The following ZC3H12B variants were observed in gnomAD, a reference collection of about 807,000 sequenced individuals.
The protein encoded by ZC3H12B is probable ribonuclease ZC3H12B.
In ZC3H12B, 7 loss-of-function variants were observed where a neutral mutation model predicts 43.9. The ratio of observed to expected loss-of-function variants is 0.16; its 90% confidence interval spans 0.09 to 0.30. ZC3H12B has a LOEUF of 0.30. Among genes scored for constraint, ZC3H12B ranks in the 10% least tolerant of loss-of-function variants. The probability of loss-of-function intolerance (pLI) is 1.00; values close to 1 mark genes in which losing one functional copy is unlikely to be tolerated. For synonymous variants in ZC3H12B, 222 were observed against 241.7 expected, an observed-to-expected ratio of 0.92 and a Z score of 0.76; for missense variants, 475 against 670.2, an observed-to-expected ratio of 0.71 and a Z score of 3.22.
At chrX:65,057,578 G>A in the ZC3H12B span, among the ~76,000 whole-genome samples, 6 of 110,965 alleles carry the variant, frequency 5.4e-5, no homozygotes, top group Non-Finnish European at 7.6e-5. Flanking sequence ...TGCTCTTCTC[G>A]AGGAGTATCT....
At chrX:65,213,951 A>T in the ZC3H12B span, among the ~76,000 whole-genome samples, 3 of 110,466 alleles carry the variant, frequency 2.7e-5, no homozygotes, top group Non-Finnish European at 5.7e-5. Context: ...ACACATATAT[A>T]ACAAGTCACA....
At chrX:65,185,876 T>G in the ZC3H12B span, 7 of 111,724 alleles carry the variant, frequency 6.3e-5, no homozygotes, top group Non-Finnish European at 1.3e-4. Flanking sequence ...TATTTACTGA[T>G]GTGTGAATGG....
chrX:65,244,727 C>CAAAAAAAAAAAAAAAAAAAAAA, the ZC3H12B span, among the ~76,000 whole-genome samples: 1 of 20,370 alleles, frequency 4.9e-5, no homozygotes. Flanking sequence ...AATACCTTGC[C>CAAAAAAAAAAAAAAAAAAAAAA]AAAAAAAAAA....
the ZC3H12B span, among the ~76,000 whole-genome samples, chrX:65,143,445 G>C: frequency 9.0e-6 from 1 of 111,103 alleles, no homozygotes. Context: ...CCTCTATTGA[G>C]ATGATCAAGT....
the ZC3H12B span, among the ~76,000 whole-genome samples, chrX:65,159,840 C>G: frequency 2.7e-5 from 3 of 111,688 alleles, no homozygotes; most frequent in South Asian, 7.5e-4. Flanking sequence ...TGTCTTGTGC[C>G]AGTTTTCAAA....
At chrX:65,077,145 T>C in the ZC3H12B span, among the ~76,000 whole-genome samples, 1 of 111,723 alleles carries the variant, frequency 9.0e-6, no homozygotes, top group African/African-American at 3.3e-5. Flanking sequence ...GCCATTCTGA[T>C]GTGTTTTGTC....
chrX:65,145,388 C>T, the ZC3H12B span, among the ~76,000 whole-genome samples: 1 of 111,064 alleles, frequency 9.0e-6, no homozygotes, highest in Non-Finnish European at 1.9e-5. Flanking sequence ...CTCTTGAAGG[C>T]AGCATATAAT....
At chrX:65,437,809 A>G (rs987601363) in intron 3 of ZC3H12B, among the ~76,000 whole-genome samples, 11 of 112,311 alleles carry the variant, frequency 9.8e-5, no homozygotes, top group Non-Finnish European at 2.1e-4. Flanking sequence ...GTATTACTCA[A>G]GAAATCTTTG....
the ZC3H12B span, among the ~76,000 whole-genome samples, chrX:65,059,806 A>G: frequency 1.8e-4 from 20 of 111,853 alleles, no homozygotes; most frequent in East Asian, 5.3e-3. Flanking sequence ...TATGTAGACT[A>G]CTGTTAGTAT....
At chrX:65,294,652 G>A in the ZC3H12B span, among the ~76,000 whole-genome samples, 3 of 111,564 alleles carry the variant, frequency 2.7e-5, no homozygotes, top group South Asian at 1.1e-3. Context: ...AAAGGGGTGG[G>A]AAAAGATATT....
chrX:65,241,839 A>C, the ZC3H12B span, among the ~76,000 whole-genome samples: 1 of 111,715 alleles, frequency 9.0e-6, no homozygotes, highest in Non-Finnish European at 1.9e-5. Flanking sequence ...CCCTGGATTC[A>C]GCCCTTTTTT....
At chrX:65,163,717 G>C in the ZC3H12B span, among the ~76,000 whole-genome samples, 1 of 111,819 alleles carries the variant, frequency 8.9e-6, no homozygotes, top group African/African-American at 3.2e-5. Context: ...AACCCCTTGT[G>C]CTTCCCGAGT....
At chrX:65,333,212 C>T in the ZC3H12B span, among the ~76,000 whole-genome samples, 1 of 111,415 alleles carries the variant, frequency 9.0e-6, no homozygotes, top group African/African-American at 3.3e-5. Context: ...TACCAAGGGG[C>T]TTTTATTGGC....
the ZC3H12B span, among the ~76,000 whole-genome samples, chrX:65,112,144 G>A: frequency 1.8e-5 from 2 of 112,008 alleles, no homozygotes; most frequent in Admixed American, 9.5e-5. Context: ...AACTTCTAAT[G>A]GCCTGGATAG....
chrX:65,200,287 A>G, the ZC3H12B span, among the ~76,000 whole-genome samples: 1 of 110,806 alleles, frequency 9.0e-6, no homozygotes, highest in Admixed American at 9.6e-5. Flanking sequence ...CTTTGCCCAC[A>G]TCTCAATGGG....
the ZC3H12B span, among the ~76,000 whole-genome samples, chrX:65,053,673 G>A: frequency 1.8e-5 from 2 of 111,390 alleles, no homozygotes; most frequent in Non-Finnish European, 3.8e-5. Context: ...GATCCCTGAG[G>A]AATCGCCACA....
At chrX:65,286,009 C>A in the ZC3H12B span, among the ~76,000 whole-genome samples, 4 of 111,723 alleles carry the variant, frequency 3.6e-5, no homozygotes, top group Admixed American at 3.8e-4. Flanking sequence ...TTTGGAGATT[C>A]CTCAAAGAAC....
intron 2 of ZC3H12B, among the ~76,000 whole-genome samples, chrX:65,376,550 C>A (rs1001322835): frequency 4.5e-5 from 5 of 111,644 alleles, no homozygotes; most frequent in African/African-American, 9.8e-5. Flanking sequence ...TCACACGACA[C>A]CTAGCTCCAA....
the ZC3H12B span, among the ~76,000 whole-genome samples, chrX:65,337,491 A>G: frequency 2.7e-5 from 3 of 112,572 alleles, no homozygotes; most frequent in Non-Finnish European, 5.6e-5. Flanking sequence ...ACACATTTCA[A>G]AATCACTGAA....
Sources: gnomAD v4.1 joint callset for allele counts (sites outside exome capture counted in the v4.1 genomes callset) on GRCh38, gnomAD v4.1.1 for gene constraint, MANE v1.5 for transcripts, NCBI Gene and HGNC (gene_info 2026-07-23, HGNC 2026-07-21) for gene names.